The following ZNF107 variants were observed in gnomAD, a reference collection of about 807,000 sequenced individuals.
ZNF107 encodes C2H2 type zinc-finger protein.
ZNF107 carries 19 observed loss-of-function variants against 12.3 expected under a neutral mutation model. That is an observed-to-expected ratio of 1.55 (90% confidence interval 1.08 to 2.27). ZNF107 has a LOEUF of 2.27. Ranked by LOEUF, ZNF107 falls within the 30% of genes most tolerant of loss-of-function variation. ZNF107 has a pLI of 0.00. For synonymous variants in ZNF107, 317 were observed against 330.5 expected (o/e 0.96, Z 0.44); for missense variants, 958 against 979.9 (o/e 0.98, Z 0.30).
At chr7:64,697,692 A>AT (rs35100512) in intron 3 of ZNF107, among the ~76,000 whole-genome samples, 394 of 135,230 alleles carry the variant, frequency 2.9e-3, no homozygotes, top group Non-Finnish European at 4.0e-3. Flanking sequence ...GAAACATAGC[A>AT]TTTTTTTTTT....
chr7:64,698,524 G>A (rs991129938), intron 3 of ZNF107, among the ~76,000 whole-genome samples: 3 of 151,776 alleles, frequency 2.0e-5, no homozygotes, highest in East Asian at 1.9e-4. Context: ...CCAGGTTCAA[G>A]CATTCTCCTG....
In ZNF107 at chr7:64,706,990, C is replaced by T. The variant is rs774039108; in HGVS notation, c.893C>T (p.Ser298Leu). ...TGTGGCAAAGTCTTTAGCCAGTCCT[C>T]ACACCTTACTACACAAAAGATACTT... ...EECGKVFSQSSHLTTQKILHT... is the reference protein window; with the variant it reads ...EECGKVFSQSLHLTTQKILHT... The change falls in exon 4 of 4, where the codon TCA (serine) becomes TTA (leucine). Residue 298 changes from serine to leucine, a missense_variant. Physicochemically the swap from Ser to Leu is moderately radical, Grantham distance 145. Coordinates refer to ENST00000620827, the MANE Select transcript of ZNF107 (RefSeq NM_001282359.2). 6.2e-7 allele frequency: 1 copy of T among 1,613,634 alleles called. No homozygotes were observed. The highest frequency in any genetic ancestry group is 1.1e-5 in the South Asian group (1 of 91,056).
chr7:64,676,879 G>C (rs1269132084), intron 1 of ZNF107, among the ~76,000 whole-genome samples: 1 of 151,932 alleles, frequency 6.6e-6, no homozygotes, highest in Non-Finnish European at 1.5e-5. Flanking sequence ...TAAAAATTCA[G>C]GTTCCCTGCA....
At chr7:64,684,438 T>G in intron 1 of ZNF107, 4 of 334,242 alleles carry the variant, frequency 1.2e-5, no homozygotes, top group Non-Finnish European at 1.7e-5. Flanking sequence ...TCCTGGTCGT[T>G]TATGGTACCC....
In ZNF107 at chr7:64,686,641, C is replaced by T. The variant is rs905202287; in HGVS notation, c.4-4607C>T. ...GCCATTAAGAACTCTGTGACCAGCA[C>T]ATATGCCTCCAGACTTCCTGGAACC... On this transcript the variant is annotated intron_variant, in intron 1 of 3. Coordinates refer to ENST00000620827, the MANE Select transcript of ZNF107 (RefSeq NM_001282359.2). 5.0e-5 allele frequency: 49 copies of T among 985,242 alleles called. No individual in the cohort carries two copies. The South Asian group carries it at 1.9e-3, about 39-fold the overall frequency. The allele number at this position is 985,242 out of a possible 1,614,324, so 61.0% of individuals were successfully genotyped here.
chr7:64,702,243 A>G (rs1790500069), intron 3 of ZNF107, among the ~76,000 whole-genome samples: 1 of 151,436 alleles, frequency 6.6e-6, no homozygotes, highest in Non-Finnish European at 1.5e-5. Context: ...CCGCCCCACT[A>G]GGTTCAAGTG....
chr7:64,687,104 CT>C (rs898022944), intron 1 of ZNF107: 26 of 983,770 alleles, frequency 2.6e-5, no homozygotes, highest in Admixed American at 1.2e-4. Flanking sequence ...AGATGCTTTT[CT>C]TTTTTTTTCC....
At chr7:64,673,158 C>T (rs1225311450) in intron 1 of ZNF107, among the ~76,000 whole-genome samples, 1 of 152,188 alleles carries the variant, frequency 6.6e-6, no homozygotes, top group East Asian at 1.9e-4. Flanking sequence ...ATTCTTCTGC[C>T]TCAGCCTCCC....
At chr7:64,704,082 T>C (rs1340569663) in intron 3 of ZNF107, among the ~76,000 whole-genome samples, 4 of 152,106 alleles carry the variant, frequency 2.6e-5, no homozygotes, top group African/African-American at 7.2e-5. Flanking sequence ...AACTTTGTCA[T>C]TGATGTTAAT....
At chr7:64,689,393 C>A (rs1032600790) in intron 1 of ZNF107, 1 of 152,106 alleles carries the variant, frequency 6.6e-6, no homozygotes, top group African/African-American at 2.4e-5. Flanking sequence ...GCTCTTAGAA[C>A]TTTTCAGATC....
chr7:64,691,909 A>C lies in ZNF107; in HGVS notation c.175A>C (p.Lys59Gln), dbSNP rs1790131178. The change falls in exon 3 of 4, where the codon AAA (lysine) becomes CAA (glutamine). Residue 59 changes from lysine to glutamine, a missense_variant. By Grantham distance (53) the Lys-to-Gln change is moderately conservative. Transcript: ENST00000620827. ...KPYLITCLEQ[K>Q]KEPWNIKRHE... Reference sequence around the variant, plus strand: ...ATATCTGATCACCTGTCTGGAGCAAAAAAAAGAGCCCTGGAATATAAAAAG... The same window carrying C: ...ATATCTGATCACCTGTCTGGAGCAACAAAAAGAGCCCTGGAATATAAAAAG... 2 of 1,526,838 alleles carry C rather than the reference A, an allele frequency of 1.3e-6. No individual in the cohort carries two copies. The highest frequency in any genetic ancestry group is 4.4e-5 in the Admixed American group (2 of 45,548). The allele number at this position is 1,526,838 out of a possible 1,614,324, so 94.6% of individuals were successfully genotyped here. A position where few individuals can be genotyped will look rare whatever the true frequency, so the allele number is the denominator to read the frequency against.
chr7:64,689,084 C>G (rs551418019), intron 1 of ZNF107, among the ~76,000 whole-genome samples: 4 of 152,286 alleles, frequency 2.6e-5, no homozygotes, highest in Admixed American at 6.5e-5. Flanking sequence ...AATAAACTCT[C>G]TACTTATATT....
At position 64,673,761 on chromosome 7, in the gene ZNF107, A is replaced by G. The variant is rs76217695; in HGVS notation, c.3+7476A>G. On this transcript the variant is annotated intron_variant, in intron 1 of 3. Transcript: ENST00000620827. ...GTGATTTTTATATATGGTGTAGGAAAGGTATCCACTTTCAATGTTCTACAT... is the reference window on the plus strand; with the variant it reads ...GTGATTTTTATATATGGTGTAGGAAGGGTATCCACTTTCAATGTTCTACAT... Among the ~76,000 whole-genome samples the G allele has an allele frequency of 8.6e-4, 131 of 152,342 alleles. No homozygotes were observed. The East Asian group carries it at 0.024, about 28-fold the overall frequency.
intron 3 of ZNF107, among the ~76,000 whole-genome samples, chr7:64,695,552 A>G (rs890561460): frequency 6.6e-6 from 1 of 152,198 alleles, no homozygotes; most frequent in Non-Finnish European, 1.5e-5. Flanking sequence ...AATTTTAGAT[A>G]ATTTGCAATT....
Position 64,676,724 on chromosome 7 carries a change from C to T in ZNF107, c.3+10439C>T, listed in dbSNP as rs572759494. ...TGTCCACAGTAAAATTCCTAGTGAG[C>T]TGCAGATCTTTACCCCAAGGTGTTT... On this transcript the variant is annotated intron_variant, in intron 1 of 3. Transcript: ENST00000620827. Among the ~76,000 whole-genome samples the T allele has an allele frequency of 8.5e-5, 13 of 152,258 alleles. No homozygotes were observed. In the South Asian group the frequency reaches 2.7e-3, roughly 32 times the overall value.
chr7:64,673,060 T>C (rs1481148953), intron 1 of ZNF107, among the ~76,000 whole-genome samples: 1 of 152,170 alleles, frequency 6.6e-6, no homozygotes, highest in East Asian at 1.9e-4. Flanking sequence ...ATTTATTTAT[T>C]TGAGATGGAG....
rs372817109 is a variant in ZNF107, at chr7:64,708,029, T to C, written c.1932T>C (p.Thr644=). The C allele has an allele frequency of 1.2e-6, 2 of 1,613,430 alleles. No individual in the cohort carries two copies. Among genetic ancestry groups the C allele is most frequent in the Non-Finnish European group, 1.7e-6 (2 of 1,179,688 alleles). Residue 644 remains threonine (T), a synonymous_variant, in exon 4 of 4, where the codon ACT becomes ACC. Transcript: ENST00000620827. ...TTACTACACAAAAGATAATTCATAC[T>C]GGAGAGAACCTCTACAAATTTGAAG... ...SNLTTQKIIH[T]GENLYKFEEH... is the part of the protein sequence containing the mutation.
At chr7:64,668,001 T>C (rs1789070293) in intron 1 of ZNF107, among the ~76,000 whole-genome samples, 1 of 151,260 alleles carries the variant, frequency 6.6e-6, no homozygotes, top group South Asian at 2.1e-4. Flanking sequence ...TACAAGAACT[T>C]GCAAAATGAA....
At chr7:64,697,832 C>T (rs1790343738) in intron 3 of ZNF107, among the ~76,000 whole-genome samples, 2 of 152,018 alleles carry the variant, frequency 1.3e-5, no homozygotes, top group African/African-American at 4.8e-5. Context: ...GCTGGGACTA[C>T]ATGCGCCCGC....
Sources: allele counts gnomAD v4.1 joint callset (sites outside exome capture counted in the v4.1 genomes callset), GRCh38; gene constraint gnomAD v4.1.1; transcripts MANE v1.5; gene names NCBI Gene and HGNC (gene_info 2026-07-23, HGNC 2026-07-21).